Variants in GPC6 observed in about 807,000 individuals in gnomAD.
The protein encoded by GPC6 is glypican-6.
In GPC6, 14 loss-of-function variants were observed where a neutral mutation model predicts 55.2. That is an observed-to-expected ratio of 0.25 (90% CI 0.17 to 0.40). The LOEUF (loss-of-function observed/expected upper bound fraction) is 0.40, where lower values mean the gene tolerates loss of function less well. Ranked by LOEUF, GPC6 falls within the 10% of genes least tolerant of loss-of-function variation. The pLI is 1.00. For synonymous variants in GPC6, 278 were observed against 259.6 expected, an observed-to-expected ratio of 1.07 and a Z score of -0.68; for missense variants, 641 against 708.5, an observed-to-expected ratio of 0.90 and a Z score of 1.08.
chr13:94,011,040 A>T lies in GPC6; in HGVS notation c.712-16689A>T, dbSNP rs570241066. Among the ~76,000 whole-genome samples, 7 of 152,286 alleles carry T rather than the reference A, an allele frequency of 4.6e-5. No individual in the cohort carries two copies. The South Asian group carries it at 8.3e-4, about 18-fold the overall frequency. On this transcript the variant is annotated intron_variant, in intron 3 of 8. Coordinates refer to ENST00000377047, the MANE Select transcript of GPC6 (RefSeq NM_005708.5). ...TAAGTCATCAATCACATAAAATTAC[A>T]TCTATTGATATACTATCATGATATG... is the stretch of plus-strand genomic sequence containing the variant.
chr13:93,306,723 T>C (rs1878869302), intron 1 of GPC6, among the ~76,000 whole-genome samples: 1 of 152,128 alleles, frequency 6.6e-6, no homozygotes, highest in African/African-American at 2.4e-5. Flanking sequence ...TATTGAATCA[T>C]GGGAATAAAA....
At chr13:93,382,797 C>A (rs1019710248) in intron 1 of GPC6, among the ~76,000 whole-genome samples, 2 of 152,078 alleles carry the variant, frequency 1.3e-5, no homozygotes, top group Admixed American at 1.3e-4. Flanking sequence ...TAATGCTAAG[C>A]TAATCTTTGG....
chr13:94,384,048 G>A (rs1293965425), intron 7 of GPC6, among the ~76,000 whole-genome samples: 1 of 152,174 alleles, frequency 6.6e-6, no homozygotes, highest in Non-Finnish European at 1.5e-5. Flanking sequence ...AATTCAAGAT[G>A]GGAATTGGTG....
At chr13:93,745,469 A>T (rs1325971751) in intron 2 of GPC6, among the ~76,000 whole-genome samples, 1 of 152,096 alleles carries the variant, frequency 6.6e-6, no homozygotes, top group Non-Finnish European at 1.5e-5. Context: ...ACTTCTCCAC[A>T]CTAGGTCTTT....
At chr13:94,275,031 A>G (rs1441863314) in intron 4 of GPC6, among the ~76,000 whole-genome samples, 1 of 152,122 alleles carries the variant, frequency 6.6e-6, no homozygotes, top group Non-Finnish European at 1.5e-5. Context: ...TGCAGAGGAG[A>G]AGGTAGCAAG....
intron 2 of GPC6, among the ~76,000 whole-genome samples, chr13:93,659,340 G>A (rs928261067): frequency 3.3e-5 from 5 of 151,726 alleles, no homozygotes; most frequent in South Asian, 2.1e-4. Flanking sequence ...TCTCTCCATC[G>A]TACTATTCTT....
chr13:93,242,138 G>T (rs1876454432), intron 1 of GPC6, among the ~76,000 whole-genome samples: 1 of 152,112 alleles, frequency 6.6e-6, no homozygotes, highest in Non-Finnish European at 1.5e-5. Flanking sequence ...AATTAGAGGT[G>T]TTCATGGGTA....
chr13:93,916,530 T>C (rs2140340965), intron 3 of GPC6, among the ~76,000 whole-genome samples: 2 of 152,248 alleles, frequency 1.3e-5, no homozygotes, highest in Middle Eastern at 6.8e-3. Flanking sequence ...TATTTCTCAT[T>C]GGTACTGTAG....
chr13:93,951,615 C>G (rs1306693610), intron 3 of GPC6, among the ~76,000 whole-genome samples: 3 of 152,122 alleles, frequency 2.0e-5, no homozygotes, highest in South Asian at 2.1e-4. Flanking sequence ...ACCTTAGAAG[C>G]AGTTTCACCT....
chr13:94,062,176 A>G (rs1884354468), intron 4 of GPC6, among the ~76,000 whole-genome samples: 1 of 152,172 alleles, frequency 6.6e-6, no homozygotes. Flanking sequence ...TTACAGTAGC[A>G]AAATTTGTGT....
chr13:93,985,689 CA>C (rs34003218), intron 3 of GPC6, among the ~76,000 whole-genome samples: 19,172 of 68,772 alleles, frequency 0.28, 537 homozygotes, highest in East Asian at 0.46. Context: ...AAGACCTGGC[CA>C]AAAAAAAAAA....
intron 2 of GPC6, among the ~76,000 whole-genome samples, chr13:93,621,832 C>T (rs1878964398): frequency 1.3e-5 from 2 of 152,050 alleles, no homozygotes; most frequent in African/African-American, 4.8e-5. Flanking sequence ...TTCAAGTGTT[C>T]ATCACCCTGA....
At chr13:93,607,497 C>G (rs1442950740) in intron 2 of GPC6, among the ~76,000 whole-genome samples, 1 of 152,138 alleles carries the variant, frequency 6.6e-6, no homozygotes. Context: ...CAGGTCTTCA[C>G]CCAATAGGTT....
chr13:93,560,766 CA>C (rs34043494), intron 2 of GPC6, among the ~76,000 whole-genome samples: 68,292 of 125,382 alleles, frequency 0.54, 16,539 homozygotes, highest in East Asian at 0.86. Flanking sequence ...ACTCCGCCTC[CA>C]AAAAAAAAAA....
intron 2 of GPC6, among the ~76,000 whole-genome samples, chr13:93,820,299 A>AT (rs1349561653): frequency 3.3e-5 from 5 of 152,130 alleles, no homozygotes; most frequent in African/African-American, 1.2e-4. Context: ...GACTTACTGA[A>AT]TAGGAGTATT....
intron 1 of GPC6, among the ~76,000 whole-genome samples, chr13:93,375,193 A>G (rs1294935465): frequency 1.3e-5 from 2 of 152,208 alleles, no homozygotes; most frequent in Non-Finnish European, 2.9e-5. Flanking sequence ...TGTAAATGAC[A>G]TTAAAAGTCT....
At chr13:94,047,266 A>G (rs1883766163) in intron 4 of GPC6, among the ~76,000 whole-genome samples, 1 of 152,108 alleles carries the variant, frequency 6.6e-6, no homozygotes, top group Admixed American at 6.6e-5. Context: ...TTACTAAGAC[A>G]TTTGAATATG....
At chr13:93,371,429 G>A (rs967842196) in intron 1 of GPC6, among the ~76,000 whole-genome samples, 1 of 152,008 alleles carries the variant, frequency 6.6e-6, no homozygotes, top group Non-Finnish European at 1.5e-5. Context: ...GGGTGATCTG[G>A]AAAAAATGAT....
At position 93,231,377 on chromosome 13, in the gene GPC6, ATACATATATATATATATAT is replaced by A. The variant is rs1566533461; in HGVS notation, c.160+3762_160+3780del. 6.8e-3 allele frequency among the ~76,000 whole-genome samples: 127 copies of A among 18,674 alleles called. 2 individuals are homozygous for A. Among genetic ancestry groups the A allele is most frequent in the African/African-American group, 0.026 (99 of 3,820 alleles). The allele number at this position is 18,674 out of a possible 152,430, so 12.3% of individuals were successfully genotyped here. On this transcript the variant is annotated intron_variant, in intron 1 of 8. Transcript: ENST00000377047. The stretch of plus-strand genomic sequence containing the variant: ...TATATATACGTATATATATATATAT[ATACATATATATATATATAT>A]GTATATATATATATATATATATATA...
Sources: gnomAD v4.1 joint callset for allele counts (sites outside exome capture counted in the v4.1 genomes callset) on GRCh38, gnomAD v4.1.1 for gene constraint, MANE v1.5 for transcripts, NCBI Gene and HGNC (gene_info 2026-07-23, HGNC 2026-07-21) for gene names.